The following AKAP12 variants were observed in gnomAD, a reference collection of about 807,000 sequenced individuals.
AKAP12 encodes A-kinase anchor protein 12.
A neutral mutation model predicts 79.9 loss-of-function variants in AKAP12; 32 were observed. The ratio of observed to expected loss-of-function variants is 0.40; its 90% confidence interval spans 0.30 to 0.54. The LOEUF is 0.54. Among genes scored for constraint, AKAP12 ranks in the 20% least tolerant of loss-of-function variants. The pLI, the probability that AKAP12 is intolerant of heterozygous loss-of-function variation, is 0.48. For missense variants in AKAP12, 2,074 were observed against 2,177.0 expected, an observed-to-expected ratio of 0.95 and a Z score of 0.94; for synonymous variants, 808 against 857.0, an observed-to-expected ratio of 0.94 and a Z score of 1.00.
intron 3 of AKAP12, among the ~76,000 whole-genome samples, chr6:151,322,150 T>C (rs577247077): frequency 2.6e-5 from 4 of 152,158 alleles, no homozygotes; most frequent in South Asian, 2.1e-4. Flanking sequence ...TCTCGTGATC[T>C]GCCCACCTCA....
At chr6:151,241,040 G>A (rs2114669918) in intron 2 of AKAP12, among the ~76,000 whole-genome samples, 1 of 152,306 alleles carries the variant, frequency 6.6e-6, no homozygotes, top group South Asian at 2.1e-4. Context: ...CTCTTCCGGT[G>A]GGAGCCATGC....
chr6:151,306,929 C>A (rs1776989988), intron 3 of AKAP12, among the ~76,000 whole-genome samples: 1 of 152,214 alleles, frequency 6.6e-6, no homozygotes, highest in Non-Finnish European at 1.5e-5. Context: ...AAGTCCAAAG[C>A]TTTGTCTTTC....
chr6:151,324,793 C>G (rs887230218), intron 3 of AKAP12: 1 of 985,292 alleles, frequency 1.0e-6, no homozygotes, highest in Non-Finnish European at 1.2e-6. Flanking sequence ...TGAGACCACA[C>G]CAACTCATTC....
At chr6:151,301,346 G>A (rs1451906277) in intron 2 of AKAP12, among the ~76,000 whole-genome samples, 1 of 152,138 alleles carries the variant, frequency 6.6e-6, no homozygotes, top group African/African-American at 2.4e-5. Flanking sequence ...AAAATAACAC[G>A]TGTTCCCCAT....
chr6:151,299,345 A>G (rs1290085732), intron 2 of AKAP12, among the ~76,000 whole-genome samples: 2 of 152,192 alleles, frequency 1.3e-5, no homozygotes, highest in Admixed American at 6.5e-5. Context: ...TTAGGGTTCA[A>G]TGTATTTTCA....
In AKAP12 at chr6:151,350,920, C is replaced by T; in HGVS notation, c.2529C>T (p.Val843=). ...GGGCCAACGAAGATGACTCTGATGT[C>T]CCGGCCGTGGTCCCTCTGTCTGAGT... ...PTGANEDDSD[V]PAVVPLSEYD... The change falls in exon 4 of 5, where the codon GTC becomes GTT. Residue 843 remains valine (V), a synonymous_variant. Transcript: ENST00000402676. The surrounding 1 kb of genome is among the most constrained non-coding windows in gnomAD (Gnocchi z 4.8). 6.2e-7 allele frequency: 1 copy of T among 1,614,018 alleles called. No homozygotes were observed. The highest frequency in any genetic ancestry group is 8.5e-7 in the Non-Finnish European group (1 of 1,180,018).
At position 151,353,458 on chromosome 6, in the gene AKAP12, G is replaced by T. The variant is rs3734795; in HGVS notation, c.5067G>T (p.Glu1689Asp). 72,994 of 1,614,032 alleles carry T rather than the reference G, an allele frequency of 0.045. 5,222 individuals carry two copies. Among genetic ancestry groups the T allele is most frequent in the African/African-American group, 0.3 (22,319 of 74,922 alleles). ...DGHALLAERI[E>D]KSLVEPKEDE... Reference sequence around the variant, plus strand: ...ATGCCTTGTTAGCAGAAAGAATAGAGAAGTCACTAGTTGAACCGAAAGAAG... The same window carrying T: ...ATGCCTTGTTAGCAGAAAGAATAGATAAGTCACTAGTTGAACCGAAAGAAG... The change falls in exon 4 of 5, where the codon GAG becomes GAT. Residue 1689 changes from glutamate to aspartate, a missense_variant. Glu to Asp is a conservative substitution (Grantham distance 45, BLOSUM62 2). Transcript: ENST00000402676.
rs112604543 is a variant in AKAP12, at chr6:151,251,671, A to G, written c.162+10947A>G. ...GGGTACCTTTAGAACAGAGAACATCACTTGATAATAACAACTTGGGACTTT... is the reference window on the plus strand; with the variant it reads ...GGGTACCTTTAGAACAGAGAACATCGCTTGATAATAACAACTTGGGACTTT... On this transcript the variant is annotated intron_variant, in intron 2 of 4. Coordinates refer to ENST00000402676, the MANE Select transcript of AKAP12 (RefSeq NM_005100.4). 7.2e-3 allele frequency among the ~76,000 whole-genome samples: 1,095 copies of G among 152,304 alleles called. 6 individuals are homozygous for G. The highest frequency in any genetic ancestry group is 0.012 in the Non-Finnish European group (808 of 68,016).
chr6:151,261,813 A>G (rs974884327), intron 2 of AKAP12, among the ~76,000 whole-genome samples: 11 of 149,810 alleles, frequency 7.3e-5, no homozygotes, highest in African/African-American at 2.7e-4. Context: ...GGTGGAGTGC[A>G]ATGGCGTGAG....
At chr6:151,283,810 A>G (rs1776450681) in intron 2 of AKAP12, among the ~76,000 whole-genome samples, 2 of 152,154 alleles carry the variant, frequency 1.3e-5, no homozygotes, top group Admixed American at 6.5e-5. Flanking sequence ...CCAAACCTCA[A>G]ATCCGGGAGT....
In AKAP12 at chr6:151,353,502, T is replaced by C. The variant is rs768035207; in HGVS notation, c.5111T>C (p.Val1704Ala). The change falls in exon 4 of 5, where the codon GTT becomes GCT. Residue 1704 changes from valine to alanine, a missense_variant. Val to Ala is a moderately conservative substitution (Grantham distance 64, BLOSUM62 0). Transcript: ENST00000402676. The part of the protein sequence containing the change: ...EPKEDEKGDD[V>A]DDPENQNSAL... ...AAAGAAGATGAAAAAGGTGATGATGTTGATGACCCTGAAAACCAGAACTCA... is the reference window on the plus strand; with the variant it reads ...AAAGAAGATGAAAAAGGTGATGATGCTGATGACCCTGAAAACCAGAACTCA... The C allele has an allele frequency of 6.2e-7, 1 of 1,614,166 alleles. No individual in the cohort carries two copies.
At position 151,353,435 on chromosome 6, in the gene AKAP12, G is replaced by A. The variant is rs780957470; in HGVS notation, c.5044G>A (p.Ala1682Thr). 6.2e-7 allele frequency: 1 copy of A among 1,614,208 alleles called. No homozygotes were observed. The highest frequency in any genetic ancestry group is 2.2e-5 in the East Asian group (1 of 44,888). The stretch of plus-strand genomic sequence containing the variant: ...GTCTGTGCCAGAAGATGATGGTCAT[G>A]CCTTGTTAGCAGAAAGAATAGAGAA... ...TKSVPEDDGHALLAERIEKSL... is the reference protein window; with the variant it reads ...TKSVPEDDGHTLLAERIEKSL... Residue 1682 changes from alanine (A) to threonine (T), a missense_variant, in exon 4 of 5, where the codon GCC becomes ACC. Ala to Thr is a moderately conservative substitution (Grantham distance 58). Around this residue, in one of 3 missense-constraint regions of AKAP12, gnomAD observed 614 missense variants for 665.6 expected, o/e 0.92. Coordinates refer to ENST00000402676, the MANE Select transcript of AKAP12 (RefSeq NM_005100.4).
At chr6:151,312,793 CAAAAA>C (rs55685824) in intron 3 of AKAP12, among the ~76,000 whole-genome samples, 1 of 73,012 alleles carries the variant, frequency 1.4e-5, no homozygotes, top group Non-Finnish European at 2.5e-5. Context: ...ACTCTGTCTC[CAAAAA>C]AAAAAAAAAA....
intron 2 of AKAP12, among the ~76,000 whole-genome samples, chr6:151,292,767 G>T (rs10457874): frequency 0.27 from 40,428 of 152,188 alleles, 6,694 homozygotes; most frequent in Non-Finnish European, 0.39. Context: ...GCGTGTTGAT[G>T]TGTGCTGCCT....
Position 151,349,363 on chromosome 6 carries a change from A to T in AKAP12, c.972A>T (p.Ser324=). Residue 324 remains serine, a synonymous_variant, in exon 4 of 5, where the codon TCA becomes TCT. Coordinates refer to ENST00000402676, the MANE Select transcript of AKAP12 (RefSeq NM_005100.4). The part of the protein sequence containing the change: ...RKPKEDEVEA[S]EKKKEQEPEK... ...CGAAGGAGGATGAAGTGGAAGCTTC[A>T]GAGAAGAAAAAGGAACAAGAGCCAG... 3 of 1,614,048 alleles carry T rather than the reference A, an allele frequency of 1.9e-6. No individual in the cohort carries two copies. The highest frequency in any genetic ancestry group is 2.5e-6 in the Non-Finnish European group (3 of 1,179,982).
intron 3 of AKAP12, among the ~76,000 whole-genome samples, chr6:151,342,346 G>A (rs1285430045): frequency 6.6e-6 from 1 of 152,190 alleles, no homozygotes; most frequent in Non-Finnish European, 1.5e-5. Flanking sequence ...TGTGTTTTGG[G>A]GTCAGGATCT....
At chr6:151,302,231 C>T (rs558339060) in intron 2 of AKAP12, among the ~76,000 whole-genome samples, 5 of 152,008 alleles carry the variant, frequency 3.3e-5, no homozygotes, top group Non-Finnish European at 5.9e-5. Context: ...AGGATGGTCT[C>T]GATCTCCTGC....
chr6:151,303,212 A>G (rs892696074), intron 2 of AKAP12, among the ~76,000 whole-genome samples: 9 of 152,148 alleles, frequency 5.9e-5, no homozygotes, highest in East Asian at 1.9e-4. Flanking sequence ...TAAAAAAAAG[A>G]AATACTCTGA....
At chr6:151,318,913 G>T (rs1417062383) in intron 3 of AKAP12, among the ~76,000 whole-genome samples, 1 of 152,144 alleles carries the variant, frequency 6.6e-6, no homozygotes, top group Non-Finnish European at 1.5e-5. Context: ...ACTGTAGCCT[G>T]GGTGACAGAG....
Sources: allele counts gnomAD v4.1 joint callset (sites outside exome capture counted in the v4.1 genomes callset), GRCh38; gene constraint gnomAD v4.1.1; regional missense constraint gnomAD v4.1.1; non-coding constraint Gnocchi (gnomAD v3.1); transcripts MANE v1.5; gene names NCBI Gene and HGNC (gene_info 2026-07-23, HGNC 2026-07-21).